KALRN: variants seen among roughly 807,000 people sequenced by gnomAD.
KALRN encodes kalirin RhoGEF kinase.
In KALRN, 70 loss-of-function variants were observed where a neutral mutation model predicts 353.7. The ratio of observed to expected loss-of-function variants is 0.20; its 90% CI spans 0.16 to 0.24. The LOEUF (loss-of-function observed/expected upper bound fraction) is 0.24, where lower values mean the gene tolerates loss of function less well. KALRN is among the 10% of genes least tolerant of loss of function. The pLI, the probability that KALRN is intolerant of heterozygous loss-of-function variation, is 1.00. For synonymous variants in KALRN, 1,391 were observed against 1,434.8 expected (o/e 0.97, Z 0.69); for missense variants, 2,791 against 3,756.7 (o/e 0.74, Z 6.72).
chr3:124,537,375 T>A (rs2068616809), intron 33 of KALRN, among the ~76,000 whole-genome samples: 1 of 152,140 alleles, frequency 6.6e-6, no homozygotes, highest in South Asian at 2.1e-4. Flanking sequence ...ATACTTTCAA[T>A]CCAGTGAAAG....
At chr3:124,341,540 G>T (rs1421112955) in intron 9 of KALRN, among the ~76,000 whole-genome samples, 1 of 152,188 alleles carries the variant, frequency 6.6e-6, no homozygotes, top group African/African-American at 2.4e-5. Flanking sequence ...CTGCCAAGTG[G>T]GGCAGTGGGG....
At chr3:124,554,320 G>T (rs115498898) in intron 33 of KALRN, among the ~76,000 whole-genome samples, 1 of 152,136 alleles carries the variant, frequency 6.6e-6, no homozygotes, top group Non-Finnish European at 1.5e-5. Flanking sequence ...ATTAAGTTGG[G>T]GTTTTTAGTA....
chr3:124,688,792 A>C (rs1372814124), intron 51 of KALRN, among the ~76,000 whole-genome samples: 3 of 152,236 alleles, frequency 2.0e-5, no homozygotes, highest in African/African-American at 7.2e-5. Context: ...AGAGTCAGTC[A>C]GACATTGGCT....
intron 1 of KALRN, among the ~76,000 whole-genome samples, chr3:124,122,269 T>C (rs2064116612): frequency 6.6e-6 from 1 of 152,142 alleles, no homozygotes; most frequent in African/African-American, 2.4e-5. Flanking sequence ...GATTGTGTCC[T>C]TCAGCACACT....
chr3:124,700,131 T>C, intron 56 of KALRN, 98 bp downstream of exon 56: 2 of 1,120,942 alleles, frequency 1.8e-6, no homozygotes, highest in Middle Eastern at 2.9e-4. Flanking sequence ...CAGGCCACCA[T>C]GCAAGAGGCA....
chr3:124,526,858 C>T (rs2067635258), intron 33 of KALRN, among the ~76,000 whole-genome samples: 1 of 152,144 alleles, frequency 6.6e-6, no homozygotes, highest in Non-Finnish European at 1.5e-5. Context: ...TAATTAGTGA[C>T]TCTCAAGAAG....
intron 33 of KALRN, among the ~76,000 whole-genome samples, chr3:124,512,232 C>G (rs1040438499): frequency 6.6e-6 from 1 of 152,200 alleles, no homozygotes; most frequent in Non-Finnish European, 1.5e-5. Context: ...ACTAGTAAGT[C>G]GGGTCCTCCA....
At chr3:124,226,190 C>A (rs1216705259) in intron 1 of KALRN, among the ~76,000 whole-genome samples, 1 of 152,070 alleles carries the variant, frequency 6.6e-6, no homozygotes, top group African/African-American at 2.4e-5. Flanking sequence ...TGAAATGTCT[C>A]CTCATTGCAT....
chr3:124,585,831 C>A (rs1249979201), intron 34 of KALRN, among the ~76,000 whole-genome samples: 1 of 152,198 alleles, frequency 6.6e-6, no homozygotes, highest in East Asian at 1.9e-4. Flanking sequence ...GGCCTCCACC[C>A]CCATTTACAA....
intron 1 of KALRN, among the ~76,000 whole-genome samples, chr3:124,143,879 A>T (rs187220363): frequency 1.2e-3 from 178 of 152,340 alleles, no homozygotes; most frequent in Admixed American, 3.9e-3. Context: ...AATAAATTTT[A>T]AAAAAGCCAG....
At chr3:124,367,557 A>G (rs2085041117) in intron 10 of KALRN, among the ~76,000 whole-genome samples, 1 of 58,984 alleles carries the variant, frequency 1.7e-5, no homozygotes, top group African/African-American at 7.6e-5. Flanking sequence ...GGCCGGGCAG[A>G]GGGGCTCCTC....
chr3:124,623,463 C>G (rs1207943986), intron 34 of KALRN, among the ~76,000 whole-genome samples: 1 of 146,188 alleles, frequency 6.8e-6, no homozygotes. Context: ...ATCGCAAGGT[C>G]CCACAATAGG....
intron 46 of KALRN, 32 bp from the exon 47 acceptor site, chr3:124,666,980 A>C: frequency 6.4e-7 from 1 of 1,564,056 alleles, no homozygotes; most frequent in Non-Finnish European, 8.7e-7. Context: ...AAATCTTTTA[A>C]ATGTAAAAAG....
chr3:124,434,174 T>A, intron 16 of KALRN, 133 bp from the exon 17 acceptor site: 1 of 624,060 alleles, frequency 1.6e-6, no homozygotes, highest in Admixed American at 2.9e-5. Flanking sequence ...GTATTAATGG[T>A]CATGACAAAA....
intron 1 of KALRN, chr3:124,163,351 C>T (rs566621098): frequency 6.6e-6 from 1 of 152,596 alleles, no homozygotes; most frequent in Non-Finnish European, 1.5e-5. Flanking sequence ...GATAATGACA[C>T]TTGTGCCAGC....
chr3:124,578,776 A>AG (rs200355544), intron 34 of KALRN, among the ~76,000 whole-genome samples: 1,540 of 152,116 alleles, frequency 0.01, 32 homozygotes, highest in African/African-American at 0.035. Context: ...TAAAAAAAAA[A>AG]AAAAACCTAT....
At chr3:124,677,385 C>T (rs1039637351) in intron 49 of KALRN, 2 of 326,356 alleles carry the variant, frequency 6.1e-6, no homozygotes, top group Non-Finnish European at 1.2e-5. Flanking sequence ...CTTCATAGGT[C>T]TGTGAAGAAG....
chr3:124,422,940 T>C lies in KALRN; in HGVS notation c.2671T>C (p.Cys891Arg). ...GCAGACTCATAAGCGGCTAGAGCAGTGCCTCCAATTACGTCACCTCCAGGC... is the reference window on the plus strand; with the variant it reads ...GCAGACTCATAAGCGGCTAGAGCAGCGCCTCCAATTACGTCACCTCCAGGC... ...AEQTHKRLEQCLQLRHLQAEV... is the reference protein window; with the variant it reads ...AEQTHKRLEQRLQLRHLQAEV... The change falls in exon 15 of 60, where the codon TGC (cysteine) becomes CGC (arginine). Residue 891 changes from cysteine (C) to arginine (R), a missense_variant. Physicochemically the swap from Cys to Arg is radical, Grantham distance 180. Transcript: ENST00000682506. The C allele has an allele frequency of 3.1e-6, 5 of 1,613,796 alleles. No individual in the cohort carries two copies. Among genetic ancestry groups the C allele is most frequent in the Non-Finnish European group, 4.2e-6 (5 of 1,179,768 alleles).
At chr3:124,090,524 G>A (rs1247142322) in intron 1 of KALRN, among the ~76,000 whole-genome samples, 2 of 152,214 alleles carry the variant, frequency 1.3e-5, no homozygotes, top group African/African-American at 4.8e-5. Flanking sequence ...AGCCTCCTGG[G>A]TGGCAGCTTC....
Sources: allele counts gnomAD v4.1 joint callset (sites outside exome capture counted in the v4.1 genomes callset), GRCh38; gene constraint gnomAD v4.1.1; transcripts MANE v1.5; gene names NCBI Gene and HGNC (gene_info 2026-07-23, HGNC 2026-07-21).